The following COL23A1 variants were observed in gnomAD, a reference collection of about 807,000 sequenced individuals.
The protein encoded by COL23A1 is collagen alpha-1(XXIII) chain.
In COL23A1, 97 loss-of-function variants were observed where a neutral mutation model predicts 99.3. The observed-to-expected ratio is 0.98, with a 90% CI of 0.83 to 1.16. The LOEUF is 1.16. Among genes scored for constraint, COL23A1 ranks in the 50% most tolerant of loss-of-function variants. COL23A1 has a pLI of 0.00. For synonymous variants in COL23A1, 320 were observed against 308.2 expected (o/e 1.04, Z -0.40); for missense variants, 762 against 757.4 (o/e 1.01, Z -0.07).
chr5:178,471,957 G>T (rs17052428), intron 2 of COL23A1, among the ~76,000 whole-genome samples: 1 of 152,008 alleles, frequency 6.6e-6, no homozygotes, highest in Non-Finnish European at 1.5e-5. Flanking sequence ...CTTTCAAGCA[G>T]TTGTCTCCAT....
At chr5:178,433,162 G>A (rs1351433732) in intron 2 of COL23A1, among the ~76,000 whole-genome samples, 1 of 151,684 alleles carries the variant, frequency 6.6e-6, no homozygotes, top group Non-Finnish European at 1.5e-5. Context: ...TTAAGGCCCA[G>A]TCCCCCAAGA....
At chr5:178,360,006 G>A (rs961262069) in intron 2 of COL23A1, among the ~76,000 whole-genome samples, 5 of 152,314 alleles carry the variant, frequency 3.3e-5, no homozygotes, top group Admixed American at 1.3e-4. Flanking sequence ...CCAGAGCCTC[G>A]GGTGAGACAA....
At chr5:178,441,775 C>A (rs1346370143) in intron 2 of COL23A1, among the ~76,000 whole-genome samples, 1 of 152,148 alleles carries the variant, frequency 6.6e-6, no homozygotes, top group African/African-American at 2.4e-5. Flanking sequence ...CCACAAACCT[C>A]ATCTGCTTGT....
At chr5:178,484,614 G>A (rs571362920) in intron 2 of COL23A1, among the ~76,000 whole-genome samples, 1 of 152,056 alleles carries the variant, frequency 6.6e-6, no homozygotes, top group Admixed American at 6.5e-5. Context: ...ACGAGGTCGG[G>A]AGATTGAGAC....
At chr5:178,523,195 T>TAG (rs1355046736) in intron 2 of COL23A1, among the ~76,000 whole-genome samples, 7 of 78,900 alleles carry the variant, frequency 8.9e-5, no homozygotes, top group South Asian at 3.9e-4. Flanking sequence ...TATATATATA[T>TAG]ATATATAGAG....
intron 2 of COL23A1, among the ~76,000 whole-genome samples, chr5:178,517,887 T>G (rs1243153447): frequency 7.1e-6 from 1 of 140,966 alleles, no homozygotes; most frequent in Non-Finnish European, 1.5e-5. Flanking sequence ...TTTTTTTTTT[T>G]TTTTTTTTTT....
chr5:178,358,585 GTGTGTGTATGTGTA>G (rs1761972572), intron 2 of COL23A1, among the ~76,000 whole-genome samples: 1 of 145,878 alleles, frequency 6.9e-6, no homozygotes, highest in Admixed American at 6.7e-5. Flanking sequence ...GTATGTGTAT[GTGTGTGTATGTGTA>G]TGTGTGTATG....
At chr5:178,574,261 A>G (rs1177215738) in intron 1 of COL23A1, among the ~76,000 whole-genome samples, 2 of 152,202 alleles carry the variant, frequency 1.3e-5, no homozygotes, top group African/African-American at 4.8e-5. Context: ...AGAAAGGGGC[A>G]TAGGGAATTT....
At chr5:178,358,443 G>C (rs1030126372) in intron 2 of COL23A1, among the ~76,000 whole-genome samples, 1 of 150,562 alleles carries the variant, frequency 6.6e-6, no homozygotes, top group Non-Finnish European at 1.5e-5. Flanking sequence ...ATGTGTGTAT[G>C]TGTGTATATG....
rs955195106 is a variant in COL23A1 at position 178,365,138 on chromosome 5, T to C, written c.362-58219A>G. Among the ~76,000 whole-genome samples, 5 of 30,734 alleles carry C rather than the reference T, an allele frequency of 1.6e-4. No homozygotes were observed. The highest frequency in any genetic ancestry group is 6.5e-4 in the Admixed American group (3 of 4,634). The allele number at this position is 30,734 out of a possible 152,430, so 20.2% of individuals were successfully genotyped here. The stretch of plus-strand genomic sequence containing the variant: ...GCTTTATGATGTTGCTGTGTGTGCG[T>C]GTGTGTGTGTGTGTGTGTGTGTGTG... On this transcript the variant is annotated intron_variant, in intron 2 of 28. Transcript: ENST00000390654. The surrounding 1 kb of genome is among the most constrained non-coding windows in gnomAD (Gnocchi z 5.2).
At chr5:178,382,863 G>GGGGAGGCCTGGCTCCTC (rs1561923404) in intron 2 of COL23A1, among the ~76,000 whole-genome samples, 2 of 152,202 alleles carry the variant, frequency 1.3e-5, no homozygotes, top group African/African-American at 4.8e-5. Flanking sequence ...GCCGTGACTC[G>GGGGAGGCCTGGCTCCTC]GGGAGGCCTG....
intron 1 of COL23A1, among the ~76,000 whole-genome samples, chr5:178,568,156 A>T (rs1328727444): frequency 6.6e-6 from 1 of 152,254 alleles, no homozygotes; most frequent in Non-Finnish European, 1.5e-5. Context: ...ATTGTGAGAC[A>T]TTCTATAAAA....
chr5:178,576,128 G>T (rs1193014824), intron 1 of COL23A1, among the ~76,000 whole-genome samples: 1 of 152,206 alleles, frequency 6.6e-6, no homozygotes, highest in Admixed American at 6.5e-5. Context: ...ACTTACAGCC[G>T]TTGGGGGTGA....
chr5:178,357,754 G>A (rs759111552), intron 2 of COL23A1, among the ~76,000 whole-genome samples: 1,594 of 140,510 alleles, frequency 0.011, 13 homozygotes, highest in Middle Eastern at 0.03. Context: ...GTGTATGTGT[G>A]TGTGTACGTG....
chr5:178,311,606 G>A (rs1215068378), intron 2 of COL23A1, among the ~76,000 whole-genome samples: 1 of 152,032 alleles, frequency 6.6e-6, no homozygotes, highest in Non-Finnish European at 1.5e-5. Flanking sequence ...CACCCAGGCT[G>A]GAGTGGCGTG....
At chr5:178,263,366 G>T (rs1217926330) in intron 8 of COL23A1, 42 bp from the exon 9 acceptor site, 2 of 1,284,040 alleles carry the variant, frequency 1.6e-6, no homozygotes, top group Non-Finnish European at 2.2e-6. Context: ...GGGGGAGGGG[G>T]TCCAGCCTCC....
At chr5:178,312,510 G>A (rs1388979105) in intron 2 of COL23A1, among the ~76,000 whole-genome samples, 2 of 152,102 alleles carry the variant, frequency 1.3e-5, no homozygotes, top group Non-Finnish European at 2.9e-5. Context: ...GGGGGGCCTC[G>A]AACCCCAACA....
intron 2 of COL23A1, among the ~76,000 whole-genome samples, chr5:178,482,409 G>A (rs1757388135): frequency 1.3e-5 from 2 of 152,062 alleles, no homozygotes; most frequent in Non-Finnish European, 1.5e-5. Context: ...TCTAGAGTAG[G>A]CAAACTCATA....
chr5:178,527,106 G>A (rs922214531), intron 2 of COL23A1, among the ~76,000 whole-genome samples: 2 of 152,152 alleles, frequency 1.3e-5, no homozygotes, highest in African/African-American at 2.4e-5. Flanking sequence ...TCAAAAAAGG[G>A]GGAAGTTGGA....
Sources: allele counts gnomAD v4.1 joint callset (sites outside exome capture counted in the v4.1 genomes callset), GRCh38; gene constraint gnomAD v4.1.1; non-coding constraint Gnocchi (gnomAD v3.1); transcripts MANE v1.5; gene names NCBI Gene and HGNC (gene_info 2026-07-23, HGNC 2026-07-21).